CSMD3: variants seen among roughly 807,000 people sequenced by gnomAD.
CSMD3 encodes the protein CUB and Sushi multiple domains 3.
CSMD3 carries 177 observed loss-of-function variants against 435.2 expected under a neutral mutation model. The ratio of observed to expected loss-of-function variants is 0.41; its 90% CI spans 0.36 to 0.46. CSMD3 has a LOEUF of 0.46. CSMD3 is among the 20% of genes least tolerant of loss of function. The pLI, the probability that CSMD3 is intolerant of heterozygous loss-of-function variation, is 0.34. For synonymous variants in CSMD3, 1,656 were observed against 1,520.5 expected, an observed-to-expected ratio of 1.09 and a Z score of -2.07; for missense variants, 4,265 against 4,504.6, an observed-to-expected ratio of 0.95 and a Z score of 1.52.
intron 22 of CSMD3, among the ~76,000 whole-genome samples, chr8:112,634,383 C>T (rs1451208074): frequency 5.9e-5 from 9 of 151,880 alleles, no homozygotes; most frequent in Non-Finnish European, 1.0e-4. Context: ...TTTTAAAAAA[C>T]ATTTCTTTTT....
At chr8:112,857,649 G>GCTA (rs2080700417) in intron 11 of CSMD3, among the ~76,000 whole-genome samples, 1 of 151,654 alleles carries the variant, frequency 6.6e-6, no homozygotes, top group Admixed American at 6.6e-5. Flanking sequence ...TCTGACCTTT[G>GCTA]CTAACTATGT....
chr8:113,006,772 G>A (rs533030785), intron 6 of CSMD3, among the ~76,000 whole-genome samples: 33 of 152,066 alleles, frequency 2.2e-4, no homozygotes, highest in African/African-American at 7.9e-4. Flanking sequence ...TACCTTAGCA[G>A]AAGGAGACTG....
At chr8:113,366,536 T>A (rs2133026574) in intron 1 of CSMD3, among the ~76,000 whole-genome samples, 1 of 152,214 alleles carries the variant, frequency 6.6e-6, no homozygotes, top group East Asian at 1.9e-4. Context: ...GCCCTCCATC[T>A]TCCAACACCG....
chr8:113,398,542 A>G (rs1011943747), intron 1 of CSMD3, among the ~76,000 whole-genome samples: 27 of 152,160 alleles, frequency 1.8e-4, no homozygotes, highest in African/African-American at 6.0e-4. Context: ...TCCCATTGCT[A>G]TTTTTATTGA....
At chr8:112,722,976 C>G (rs1222642424) in intron 13 of CSMD3, among the ~76,000 whole-genome samples, 3 of 150,908 alleles carry the variant, frequency 2.0e-5, no homozygotes, top group Non-Finnish European at 4.4e-5. Flanking sequence ...CTTTAGAAAT[C>G]TTTAGATGAC....
At chr8:112,973,773 G>C (rs1215112669) in intron 7 of CSMD3, among the ~76,000 whole-genome samples, 1 of 151,796 alleles carries the variant, frequency 6.6e-6, no homozygotes, top group Non-Finnish European at 1.5e-5. Context: ...ATTGTGTCTA[G>C]AGTGTAATAG....
chr8:112,452,691 A>G (rs1466887197), intron 32 of CSMD3, among the ~76,000 whole-genome samples: 1 of 152,154 alleles, frequency 6.6e-6, no homozygotes, highest in Non-Finnish European at 1.5e-5. Context: ...GGATTATTTG[A>G]TTACATCACT....
chr8:112,458,207 A>ACACT (rs1817042689), intron 32 of CSMD3, among the ~76,000 whole-genome samples: 1 of 145,674 alleles, frequency 6.9e-6, no homozygotes, highest in Non-Finnish European at 1.5e-5. Flanking sequence ...ACACACACAC[A>ACACT]CTCACACCCA....
At chr8:113,393,635 A>G (rs1252647142) in intron 1 of CSMD3, among the ~76,000 whole-genome samples, 1 of 152,142 alleles carries the variant, frequency 6.6e-6, no homozygotes, top group Non-Finnish European at 1.5e-5. Flanking sequence ...GGTGCACACT[A>G]GTTTCACCGG....
At chr8:112,846,876 A>G (rs771673388) in intron 11 of CSMD3, among the ~76,000 whole-genome samples, 3 of 152,110 alleles carry the variant, frequency 2.0e-5, no homozygotes, top group Non-Finnish European at 4.4e-5. Context: ...ACTGCTATAC[A>G]GATATGGTTC....
At chr8:113,304,914 T>TTAA (rs1360558466) in intron 2 of CSMD3, among the ~76,000 whole-genome samples, 1 of 119,772 alleles carries the variant, frequency 8.3e-6, no homozygotes, top group African/African-American at 3.1e-5. Context: ...TAAAGTATAA[T>TTAA]AAAAAAAAAA....
At chr8:112,673,924 G>A (rs747031106) in intron 16 of CSMD3, among the ~76,000 whole-genome samples, 38 of 151,958 alleles carry the variant, frequency 2.5e-4, no homozygotes, top group Non-Finnish European at 4.1e-4. Flanking sequence ...AGTTGGTGAA[G>A]CAAAAACAGA....
intron 30 of CSMD3, among the ~76,000 whole-genome samples, chr8:112,494,544 TTTCTTTCTTTCTTTCTTTC>T (rs1821115525): frequency 6.9e-6 from 1 of 144,136 alleles, no homozygotes; most frequent in Non-Finnish European, 1.5e-5. Context: ...TCTTTCTTTC[TTTCTTTCTTTCTTTCTTTC>T]TTTCTTTCTT....
At chr8:112,805,980 G>A (rs1040591817) in intron 12 of CSMD3, among the ~76,000 whole-genome samples, 1 of 152,038 alleles carries the variant, frequency 6.6e-6, no homozygotes, top group Admixed American at 6.6e-5. Context: ...CCCTTCACAA[G>A]GGCATAAGCC....
At chr8:112,613,894 C>T (rs1042970876) in intron 22 of CSMD3, among the ~76,000 whole-genome samples, 4 of 151,942 alleles carry the variant, frequency 2.6e-5, no homozygotes, top group African/African-American at 7.3e-5. Context: ...AGTCCAAGGT[C>T]GGAGGATTGC....
intron 12 of CSMD3, among the ~76,000 whole-genome samples, chr8:112,813,999 T>A (rs1041894972): frequency 6.6e-6 from 1 of 152,202 alleles, no homozygotes; most frequent in Non-Finnish European, 1.5e-5. Flanking sequence ...TTTGGGGAAC[T>A]TCCCCCTTAT....
At chr8:112,323,563 G>A (rs1328829499) in intron 45 of CSMD3, among the ~76,000 whole-genome samples, 1 of 152,014 alleles carries the variant, frequency 6.6e-6, no homozygotes, top group Non-Finnish European at 1.5e-5. Context: ...TGATCACACA[G>A]GTAAGATGGT....
chr8:112,596,445 T>G (rs1295352374), intron 22 of CSMD3, among the ~76,000 whole-genome samples: 2 of 152,022 alleles, frequency 1.3e-5, no homozygotes, highest in Non-Finnish European at 2.9e-5. Context: ...CTGTCAACAT[T>G]AGACAGATCA....
chr8:113,013,202 T>C (rs1199017547), intron 6 of CSMD3, among the ~76,000 whole-genome samples: 11 of 152,062 alleles, frequency 7.2e-5, no homozygotes, highest in Non-Finnish European at 1.6e-4. Flanking sequence ...ATTTTAAAAA[T>C]CAGTTCCAAG....
Sources: gnomAD v4.1 joint callset for allele counts (sites outside exome capture counted in the v4.1 genomes callset) on GRCh38, gnomAD v4.1.1 for gene constraint, MANE v1.5 for transcripts, NCBI Gene and HGNC (gene_info 2026-07-23, HGNC 2026-07-21) for gene names.